The following LPXN variants were observed in gnomAD, a reference collection of about 807,000 sequenced individuals.
LPXN encodes the protein leupaxin.
In LPXN, 28 loss-of-function variants were observed where a neutral mutation model predicts 45.6. The ratio of observed to expected loss-of-function variants is 0.61; its 90% CI spans 0.45 to 0.84. LPXN has a LOEUF of 0.84. Ranked by LOEUF, LPXN falls within the 40% of genes least tolerant of loss-of-function variation. The probability of loss-of-function intolerance (pLI) is 0.00; values close to 1 mark genes in which losing one functional copy is unlikely to be tolerated. For missense variants in LPXN, 459 were observed against 475.0 expected, an observed-to-expected ratio of 0.97 and a Z score of 0.31; for synonymous variants, 166 against 169.9, an observed-to-expected ratio of 0.98 and a Z score of 0.18.
rs941867101 is a variant in LPXN, at chr11:58,553,115, G to A, written c.318+1726C>T. Among the ~76,000 whole-genome samples the A allele has an allele frequency of 3.3e-5, 5 of 152,088 alleles. No homozygotes were observed. In the South Asian group the frequency reaches 8.3e-4, roughly 25 times the overall value. Reference sequence around the variant, plus strand: ...CTTTGAGAGGCCGAGGCAGACAGGTGGCCTGAGCTTAGAAGTTTGAGACCA... The same window carrying A: ...CTTTGAGAGGCCGAGGCAGACAGGTAGCCTGAGCTTAGAAGTTTGAGACCA... On this transcript the variant is annotated intron_variant, in intron 4 of 8. Transcript: ENST00000395074.
At chr11:58,555,810 C>T (rs1021878199) in intron 3 of LPXN, among the ~76,000 whole-genome samples, 1 of 150,798 alleles carries the variant, frequency 6.6e-6, no homozygotes, top group Non-Finnish European at 1.5e-5. Context: ...GAGTTGAAAG[C>T]TAAATGTTAT....
chr11:58,578,690 C>T (rs1854998735), upstream of LPXN, among the ~76,000 whole-genome samples: 1 of 152,110 alleles, frequency 6.6e-6, no homozygotes, highest in Admixed American at 6.5e-5. Flanking sequence ...TAGAAAGAGC[C>T]CTTGTGGTAT....
Position 58,528,188 on chromosome 11 carries a change from A to G in LPXN, c.746T>C (p.Phe249Ser), listed in dbSNP as rs1443460745. 1 of 1,613,364 alleles carries G rather than the reference A, an allele frequency of 6.2e-7. No homozygotes were observed. Among genetic ancestry groups the G allele is most frequent in the East Asian group, 2.2e-5 (1 of 44,862 alleles). ...HCGEVFGAEGFHEKDKKPYCR... is the reference protein window; with the variant it reads ...HCGEVFGAEGSHEKDKKPYCR... Reference sequence around the variant, plus strand: ...ATATGGCTTCTTGTCCTTCTCATGAAAGCCTGGAGAGATAAAATCAGGAAT... The same window carrying G: ...ATATGGCTTCTTGTCCTTCTCATGAGAGCCTGGAGAGATAAAATCAGGAAT... The change falls in exon 8 of 9, where the codon TTT becomes TCT. Residue 249 changes from phenylalanine to serine, a missense_variant. Transcript: ENST00000395074.
intron 1 of LPXN, among the ~76,000 whole-genome samples, chr11:58,571,789 T>C (rs926497643): frequency 6.6e-6 from 1 of 152,136 alleles, no homozygotes; most frequent in Non-Finnish European, 1.5e-5. Flanking sequence ...CATTTAATCA[T>C]CCTAACACTT....
At chr11:58,571,302 C>T (rs1301035446) in intron 1 of LPXN, among the ~76,000 whole-genome samples, 1 of 151,958 alleles carries the variant, frequency 6.6e-6, no homozygotes, top group African/African-American at 2.4e-5. Context: ...CGCCACCACA[C>T]TCCAGCAGCC....
chr11:58,551,954 A>G (rs1590556830), intron 4 of LPXN, among the ~76,000 whole-genome samples: 1 of 152,210 alleles, frequency 6.6e-6, no homozygotes, highest in East Asian at 1.9e-4. Context: ...CAAAGAGGTC[A>G]GTGGGGCTAG....
At chr11:58,578,011 T>A (rs374293835), upstream of LPXN, 192 of 1,550,512 alleles carry the variant, frequency 1.2e-4, no homozygotes, top group Non-Finnish European at 1.6e-4. Context: ...GGTGAGTGAC[T>A]CACACACCGG....
chr11:58,549,707 G>A (rs868596637), intron 7 of LPXN, 79 bp downstream of exon 7: 9 of 1,244,146 alleles, frequency 7.2e-6, no homozygotes, highest in South Asian at 5.0e-5. Flanking sequence ...CAGGACTCCC[G>A]TGACTACCAG....
chr11:58,562,141 C>T (rs913719366), intron 3 of LPXN, among the ~76,000 whole-genome samples: 2 of 152,058 alleles, frequency 1.3e-5, no homozygotes, highest in Admixed American at 1.3e-4. Context: ...TTATTCCTCT[C>T]GATTATTACC....
chr11:58,577,329 T>C (rs778231903), upstream of LPXN, among the ~76,000 whole-genome samples: 7 of 152,152 alleles, frequency 4.6e-5, no homozygotes, highest in Non-Finnish European at 1.0e-4. Context: ...AAATACTCAG[T>C]AGAGAATATA....
intron 7 of LPXN, among the ~76,000 whole-genome samples, chr11:58,533,589 G>C (rs1853461411): frequency 6.6e-6 from 1 of 152,154 alleles, no homozygotes; most frequent in Non-Finnish European, 1.5e-5. Context: ...AAAGACCATA[G>C]ATGCTATGAA....
chr11:58,539,484 T>C (rs1248327113), intron 7 of LPXN, among the ~76,000 whole-genome samples: 1 of 152,152 alleles, frequency 6.6e-6, no homozygotes, highest in African/African-American at 2.4e-5. Flanking sequence ...AAGTTAGGCC[T>C]GATATATCTT....
chr11:58,528,019 C>T (rs763785544), intron 8 of LPXN, 24 bp downstream of exon 8: 17 of 1,601,524 alleles, frequency 1.1e-5, no homozygotes, highest in South Asian at 3.3e-5. Context: ...TCCCTAAGTC[C>T]GAAAGAAAAG....
At chr11:58,573,659 T>C (rs1283848996) in intron 1 of LPXN, among the ~76,000 whole-genome samples, 1 of 152,220 alleles carries the variant, frequency 6.6e-6, no homozygotes, top group Non-Finnish European at 1.5e-5. Context: ...ATTATGCCTT[T>C]TGCCAGATTT....
At chr11:58,553,776 C>G (rs1297219374) in intron 4 of LPXN, 1 of 152,206 alleles carries the variant, frequency 6.6e-6, no homozygotes, top group African/African-American at 2.4e-5. Flanking sequence ...CTTAAGGATT[C>G]TGGATTATAT....
chr11:58,549,894 A>G (rs1430563218), intron 6 of LPXN, 27 bp from the exon 7 acceptor site: 3 of 1,613,760 alleles, frequency 1.9e-6, no homozygotes, highest in Non-Finnish European at 2.5e-6. Flanking sequence ...CAGATATTAT[A>G]ATGATGCAGA....
At chr11:58,577,921 T>C, upstream of LPXN, 1 of 1,319,636 alleles carries the variant, frequency 7.6e-7, no homozygotes, top group Non-Finnish European at 1.0e-6. Flanking sequence ...GCCAACTGAG[T>C]AGTGGGCCTT....
At chr11:58,539,636 T>C (rs1853655877) in intron 7 of LPXN, among the ~76,000 whole-genome samples, 1 of 152,200 alleles carries the variant, frequency 6.6e-6, no homozygotes, top group South Asian at 2.1e-4. Context: ...ATACCAAGTA[T>C]ATATAACTCC....
chr11:58,577,889 C>A, upstream of LPXN: 1 of 1,073,530 alleles, frequency 9.3e-7, no homozygotes, highest in Non-Finnish European at 1.3e-6. Flanking sequence ...CTTTATAATT[C>A]GTTTCACAGA....
Sources: gnomAD v4.1 joint callset for allele counts (sites outside exome capture counted in the v4.1 genomes callset) on GRCh38, gnomAD v4.1.1 for gene constraint, MANE v1.5 for transcripts, NCBI Gene and HGNC (gene_info 2026-07-23, HGNC 2026-07-21) for gene names.